RRP1B: variants seen among roughly 807,000 people sequenced by gnomAD.
RRP1B encodes ribosomal RNA processing protein 1 homolog B.
A neutral mutation model predicts 80.2 loss-of-function variants in RRP1B; 56 were observed. That is an observed-to-expected ratio of 0.70 (90% CI 0.56 to 0.87). The LOEUF is 0.87. RRP1B is among the 40% of genes least tolerant of loss of function. The pLI is 0.00. For missense variants in RRP1B, 807 were observed against 939.8 expected (o/e 0.86, Z 1.85); for synonymous variants, 351 against 357.6 (o/e 0.98, Z 0.21).
chr21:43,674,609 T>TTG, intron 4 of RRP1B, 27 bp from the exon 5 acceptor site: 1 of 1,460,580 alleles, frequency 6.8e-7, no homozygotes, highest in Non-Finnish European at 9.3e-7. Context: ...TTTTTTTTTT[T>TTG]TTTAAACAAA....
chr21:43,683,516 C>G (rs2083051520), intron 9 of RRP1B, 143 bp downstream of exon 9: 1 of 614,220 alleles, frequency 1.6e-6, no homozygotes, highest in Non-Finnish European at 2.9e-6. Context: ...ATGTCACCTT[C>G]TGAAGAATAA....
chr21:43,683,673 A>G (rs1273968847), intron 9 of RRP1B, among the ~76,000 whole-genome samples: 1 of 152,196 alleles, frequency 6.6e-6, no homozygotes, highest in Non-Finnish European at 1.5e-5. Flanking sequence ...TGCCAAGTAC[A>G]GATTGCAAAT....
Position 43,690,361 on chromosome 21 carries a change from C to G in RRP1B, c.1940C>G (p.Thr647Ser). The G allele has an allele frequency of 6.2e-7, 1 of 1,614,220 alleles. No individual in the cohort carries two copies. The highest frequency in any genetic ancestry group is 8.5e-7 in the Non-Finnish European group (1 of 1,180,014). ...RAESDFVKFD[T>S]PFLPKPLFFR... ...GAGAGCGACTTTGTGAAGTTTGACA[C>G]CCCCTTCTTACCAAAGCCCCTGTTC... Residue 647 changes from threonine to serine, a missense_variant, in exon 14 of 16, where the codon ACC becomes AGC. Coordinates refer to ENST00000340648, the MANE Select transcript of RRP1B (RefSeq NM_015056.3).
chr21:43,663,892 A>G (rs1320123209), intron 1 of RRP1B, among the ~76,000 whole-genome samples: 1 of 152,174 alleles, frequency 6.6e-6, no homozygotes, highest in African/African-American at 2.4e-5. Context: ...AAATAAACCT[A>G]TATTGTATTG....
At chr21:43,670,675 A>G (rs904986655) in intron 2 of RRP1B, among the ~76,000 whole-genome samples, 1 of 150,994 alleles carries the variant, frequency 6.6e-6, no homozygotes, top group Admixed American at 6.6e-5. Context: ...GGACCTTATG[A>G]GATTTTTTTT....
chr21:43,688,227 A>G lies in RRP1B; in HGVS notation c.1853A>G (p.Gln618Arg), dbSNP rs2083072407. 6.4e-7 allele frequency: 1 copy of G among 1,556,198 alleles called. No homozygotes were observed. The highest frequency in any genetic ancestry group is 8.7e-7 in the Non-Finnish European group (1 of 1,148,758). ...GGGGTGCTGGAGTCCGAAGCTGGGC[A>G]ACCCCAGGCTCTGGTAAGGTGGGAG... ...HNGVLESEAG[Q>R]PQALGSSGTC... Residue 618 changes from glutamine (Q) to arginine (R), a missense_variant, in exon 13 of 16, where the codon CAA (glutamine) becomes CGA (arginine). Coordinates refer to ENST00000340648, the MANE Select transcript of RRP1B (RefSeq NM_015056.3).
intron 13 of RRP1B, among the ~76,000 whole-genome samples, chr21:43,689,348 A>G (rs1220067013): frequency 6.6e-6 from 1 of 152,220 alleles, no homozygotes; most frequent in East Asian, 1.9e-4. Flanking sequence ...TTAAGTGGAC[A>G]TGTGTGGACC....
rs911923187 is a variant in RRP1B, at chr21:43,691,207, G to C, written c.2020-232G>C. On this transcript the variant is annotated intron_variant, in intron 14 of 15. Transcript: ENST00000340648. The surrounding 1 kb of genome is among the most constrained non-coding windows in gnomAD (Gnocchi z 4.2). ...GGGCACCACTGACCCTGGGCTGGGG[G>C]GTTGCGTGTGTGGGACGCTGGGAAG... Among the ~76,000 whole-genome samples the C allele has an allele frequency of 1.3e-5, 2 of 152,222 alleles. No homozygotes were observed. The highest frequency in any genetic ancestry group is 2.4e-5 in the African/African-American group (1 of 41,462).
intron 8 of RRP1B, among the ~76,000 whole-genome samples, chr21:43,681,628 C>T: frequency 6.6e-6 from 1 of 152,208 alleles, no homozygotes; most frequent in Non-Finnish European, 1.5e-5. Flanking sequence ...CGTGAGCCAC[C>T]ATGCCCGGCC....
chr21:43,667,042 T>G (rs1321725740), intron 1 of RRP1B, among the ~76,000 whole-genome samples: 3 of 15,306 alleles, frequency 2.0e-4, no homozygotes, highest in African/African-American at 9.9e-4. Flanking sequence ...CAGTTGGGTG[T>G]TTTTTTTTTT....
At chr21:43,690,034 A>G (rs758747880) in intron 13 of RRP1B, among the ~76,000 whole-genome samples, 14 of 152,290 alleles carry the variant, frequency 9.2e-5, no homozygotes, top group Non-Finnish European at 2.1e-4. Flanking sequence ...AGATGAAGAT[A>G]AAAGTGGGTC....
chr21:43,681,255 AATAAACAG>A (rs1161685326), intron 8 of RRP1B, among the ~76,000 whole-genome samples: 6 of 140,604 alleles, frequency 4.3e-5, no homozygotes, highest in Non-Finnish European at 9.4e-5. Flanking sequence ...AAAATAAATA[AATAAACAG>A]ATAGATAGAT....
intron 13 of RRP1B, among the ~76,000 whole-genome samples, 186 bp from the exon 14 acceptor site, chr21:43,690,102 G>A (rs755167779): frequency 1.7e-4 from 26 of 152,392 alleles, no homozygotes; most frequent in Middle Eastern, 3.4e-3. Context: ...GATAGCGGTC[G>A]TGTTGTGCGT....
rs2083050747 is a variant in RRP1B at position 43,683,307 on chromosome 21, T to C, written c.825T>C (p.Asp275=). Residue 275 remains aspartate, a synonymous_variant, in exon 9 of 16, where the codon GAT becomes GAC. Transcript: ENST00000340648. ...TALGKNHSRK[D]GLSDERGRDD... ...TGGGCAAAAACCATTCCAGAAAAGA[T>C]GGACTCAGTGATGAAAGAGGAAGAG... is the stretch of plus-strand genomic sequence containing the variant. 6.2e-7 allele frequency: 1 copy of C among 1,614,068 alleles called. No homozygotes were observed. The highest frequency in any genetic ancestry group is 1.1e-5 in the South Asian group (1 of 91,090).
chr21:43,686,709 A>T, intron 11 of RRP1B, 95 bp from the exon 12 acceptor site: 1 of 1,421,530 alleles, frequency 7.0e-7, no homozygotes, highest in Non-Finnish European at 9.7e-7. Context: ...AACGATGATG[A>T]TGAGGCAGAA....
rs958526023 is a variant in RRP1B, at chr21:43,693,484, C to T, written c.*101C>T. ...CCTTTTTTATGATTTTGTAAGTTCC[C>T]ATAAGTTGTGTGCACGAGGTTCTGA... On this transcript the variant is annotated 3_prime_UTR_variant, in exon 16 of 16. Transcript: ENST00000340648. This position sits in a 1 kb window ranked among gnomAD's most constrained non-coding sequence, Gnocchi z 4.1. The T allele has an allele frequency of 1.3e-5, 16 of 1,241,092 alleles. No homozygotes were observed. Among genetic ancestry groups the T allele is most frequent in the Non-Finnish European group, 1.7e-5 (16 of 931,246 alleles). The allele number at this position is 1,241,092 out of a possible 1,614,324, so 76.9% of individuals were successfully genotyped here.
Position 43,690,364 on chromosome 21 carries a change from C to G in RRP1B, c.1943C>G (p.Pro648Arg), listed in dbSNP as rs771828522. Reference sequence around the variant, plus strand: ...AGCGACTTTGTGAAGTTTGACACCCCCTTCTTACCAAAGCCCCTGTTCTTC... The same window carrying G: ...AGCGACTTTGTGAAGTTTGACACCCGCTTCTTACCAAAGCCCCTGTTCTTC... ...AESDFVKFDT[P>R]FLPKPLFFRR... Residue 648 changes from proline to arginine, a missense_variant, in exon 14 of 16, where the codon CCC becomes CGC. Coordinates refer to ENST00000340648, the MANE Select transcript of RRP1B (RefSeq NM_015056.3). 6.2e-6 allele frequency: 10 copies of G among 1,614,092 alleles called. No homozygotes were observed. Among genetic ancestry groups the G allele is most frequent in the East Asian group, 4.5e-5 (2 of 44,888 alleles).
chr21:43,691,313 T>C lies in RRP1B; in HGVS notation c.2020-126T>C, dbSNP rs1468184366. The C allele has an allele frequency of 1.2e-6, 1 of 806,574 alleles. No individual in the cohort carries two copies. Among genetic ancestry groups the C allele is most frequent in the African/African-American group, 1.7e-5 (1 of 58,556 alleles). The allele number at this position is 806,574 out of a possible 1,614,324, so 50.0% of individuals were successfully genotyped here. On this transcript the variant is annotated intron_variant, in intron 14 of 15. Coordinates refer to ENST00000340648, the MANE Select transcript of RRP1B (RefSeq NM_015056.3). This position sits in a 1 kb window ranked among gnomAD's most constrained non-coding sequence, Gnocchi z 4.2. ...GCAGTCCCTTTGGCCTCTCCCTATA[T>C]GTGCCACTCAGTAAGCAGCAGTGTG...
chr21:43,662,591 A>G (rs1192497185), intron 1 of RRP1B, among the ~76,000 whole-genome samples: 1 of 152,230 alleles, frequency 6.6e-6, no homozygotes, highest in African/African-American at 2.4e-5. Context: ...AGCAACATCA[A>G]TAGATAGCTT....
Sources: allele counts gnomAD v4.1 joint callset (sites outside exome capture counted in the v4.1 genomes callset), GRCh38; gene constraint gnomAD v4.1.1; non-coding constraint Gnocchi (gnomAD v3.1); transcripts MANE v1.5; gene names NCBI Gene and HGNC (gene_info 2026-07-23, HGNC 2026-07-21).